The following ADAM19 variants were observed in gnomAD, a reference collection of about 807,000 sequenced individuals.
ADAM19 encodes ADAM metallopeptidase domain 19, also known as disintegrin and metalloproteinase domain-containing protein 19.
A neutral mutation model predicts 114.7 loss-of-function variants in ADAM19; 65 were observed. The observed-to-expected ratio is 0.57, with a 90% confidence interval of 0.46 to 0.70. The LOEUF (loss-of-function observed/expected upper bound fraction) is 0.70. Among genes scored for constraint, ADAM19 ranks in the 30% least tolerant of loss-of-function variants. ADAM19 has a pLI of 0.00. For missense variants in ADAM19, 1,063 were observed against 1,204.7 expected (o/e 0.88, Z 1.74); for synonymous variants, 466 against 460.5 (o/e 1.01, Z -0.15).
chr5:157,507,146 G>A lies in ADAM19; in HGVS notation c.906-6C>T. The A allele has an allele frequency of 2.5e-6, 4 of 1,613,706 alleles. No homozygotes were observed. Among genetic ancestry groups the A allele is most frequent in the Non-Finnish European group, 3.4e-6 (4 of 1,179,706 alleles). Reference sequence around the variant, plus strand: ...TGCCGTGGAAGGACATGCCCCTGCAGGAGGCAAGGAGAGACGGTGACCGGG... The same window carrying A: ...TGCCGTGGAAGGACATGCCCCTGCAAGAGGCAAGGAGAGACGGTGACCGGG... On this transcript the variant is annotated splice_region_variant and splice_polypyrimidine_tract_variant and intron_variant, in intron 9 of 22. Coordinates refer to ENST00000257527, the MANE Select transcript of ADAM19 (RefSeq NM_033274.5).
intron 8 of ADAM19, 115 bp downstream of exon 8, chr5:157,513,319 G>A: frequency 9.8e-7 from 1 of 1,020,422 alleles, no homozygotes; most frequent in Non-Finnish European, 1.5e-6. Context: ...CTATGGCACT[G>A]CTCATTCCCT....
rs759518891 is a variant in ADAM19, at chr5:157,518,912, G to A, written c.601-24C>T. 2.7e-5 allele frequency: 44 copies of A among 1,605,576 alleles called. 1 individual carries two copies. Among genetic ancestry groups the A allele is most frequent in the East Asian group, 1.8e-4 (8 of 44,852 alleles). On this transcript the variant is annotated intron_variant, in intron 6 of 22. Coordinates refer to ENST00000257527, the MANE Select transcript of ADAM19 (RefSeq NM_033274.5). ...ATCTAAGAAAGAGAAACAGATCAGC[G>A]CTGTAGAAATAGTGGACTTGGCCTC... is the stretch of plus-strand genomic sequence containing the variant.
In ADAM19 at chr5:157,530,841, A is replaced by G; in HGVS notation, c.373T>C (p.Ser125Pro). The G allele has an allele frequency of 6.2e-7, 1 of 1,614,158 alleles. No homozygotes were observed. Among genetic ancestry groups the G allele is most frequent in the Non-Finnish European group, 8.5e-7 (1 of 1,180,024 alleles). ...CGGCAAGTGCTGAGCGTGACGCTGG[A>G]CAGTTCTGTCTCCCTCACCGTGCCG... Reference protein sequence around the residue: ...YHGTVRETELSSVTLSTCRGI... With the variant: ...YHGTVRETELPSVTLSTCRGI... The change falls in exon 5 of 23, where the codon TCC (serine) becomes CCC (proline). Residue 125 changes from serine to proline, a missense_variant. This residue lies in a region of ADAM19 where 615 missense variants were observed against 706.3 expected (regional missense o/e 0.87). Coordinates refer to ENST00000257527, the MANE Select transcript of ADAM19 (RefSeq NM_033274.5).
intron 3 of ADAM19, among the ~76,000 whole-genome samples, chr5:157,560,305 A>G (rs1757479162): frequency 6.6e-6 from 1 of 150,398 alleles, no homozygotes. Flanking sequence ...GGTAGTGCAG[A>G]AAGAGCCTTC....
At chr5:157,481,181 G>C in intron 22 of ADAM19, 179 bp from the exon 23 acceptor site, 1 of 766,204 alleles carries the variant, frequency 1.3e-6, no homozygotes, top group South Asian at 1.8e-5. Context: ...GCAGGAAGGG[G>C]TGTGGTAGGT....
At chr5:157,515,231 GCCT>G (rs931587036) in intron 7 of ADAM19, among the ~76,000 whole-genome samples, 4 of 152,320 alleles carry the variant, frequency 2.6e-5, no homozygotes, top group South Asian at 4.1e-4. Flanking sequence ...CATTATAGAG[GCCT>G]CCTGTTTCTA....
chr5:157,535,723 T>A (rs544365377), intron 4 of ADAM19, among the ~76,000 whole-genome samples: 3 of 152,254 alleles, frequency 2.0e-5, no homozygotes, highest in Admixed American at 6.5e-5. Context: ...CAAGGATCAG[T>A]CATGAAGTCA....
In ADAM19 at chr5:157,479,304, G is replaced by A; in HGVS notation, c.*1645C>T. On this transcript the variant is annotated 3_prime_UTR_variant, in exon 23 of 23. Transcript: ENST00000257527. Reference sequence around the variant, plus strand: ...ATCCAAGAAGCACCTATTGTGTGCAGAGAACTATAAGGAGGCCCTGGGGTG... The same window carrying A: ...ATCCAAGAAGCACCTATTGTGTGCAAAGAACTATAAGGAGGCCCTGGGGTG... 1 of 985,964 alleles carries A rather than the reference G, an allele frequency of 1.0e-6. No homozygotes were observed. The highest frequency in any genetic ancestry group is 1.2e-6 in the Non-Finnish European group (1 of 830,024). The allele number at this position is 985,964 out of a possible 1,614,324, so 61.1% of individuals were successfully genotyped here.
chr5:157,571,489 A>G (rs1561562307), intron 1 of ADAM19, among the ~76,000 whole-genome samples: 1 of 152,196 alleles, frequency 6.6e-6, no homozygotes, highest in Non-Finnish European at 1.5e-5. Context: ...GGAAGTTGGT[A>G]TGAGATGTGG....
chr5:157,545,818 A>G (rs893133531), intron 3 of ADAM19, among the ~76,000 whole-genome samples: 1 of 152,254 alleles, frequency 6.6e-6, no homozygotes, highest in Non-Finnish European at 1.5e-5. Context: ...AAGGCTCTTC[A>G]TGCAATCTCA....
intron 12 of ADAM19, 108 bp downstream of exon 12, chr5:157,502,695 T>C (rs1429283018): frequency 7.9e-7 from 1 of 1,259,886 alleles, no homozygotes; most frequent in Non-Finnish European, 1.1e-6. Flanking sequence ...CAGTTATATG[T>C]AGGAAACACC....
At chr5:157,504,770 C>T (rs566885805) in intron 11 of ADAM19, among the ~76,000 whole-genome samples, 180 of 152,182 alleles carry the variant, frequency 1.2e-3, no homozygotes, top group Non-Finnish European at 1.6e-3. Context: ...AGTTCAGATG[C>T]TAGAAGACAA....
chr5:157,528,982 C>T (rs779122683), intron 5 of ADAM19, among the ~76,000 whole-genome samples: 3 of 152,172 alleles, frequency 2.0e-5, no homozygotes, highest in Non-Finnish European at 4.4e-5. Context: ...AGAGGAAGAA[C>T]ACACAATGGA....
At chr5:157,488,912 C>A (rs893266274) in intron 20 of ADAM19, among the ~76,000 whole-genome samples, 190 bp downstream of exon 20, 4 of 152,306 alleles carry the variant, frequency 2.6e-5, no homozygotes, top group African/African-American at 4.8e-5. Flanking sequence ...CACCTGTAGT[C>A]CCAGCTAATT....
At chr5:157,524,886 T>C (rs1756410976) in intron 5 of ADAM19, among the ~76,000 whole-genome samples, 1 of 152,238 alleles carries the variant, frequency 6.6e-6, no homozygotes, top group African/African-American at 2.4e-5. Context: ...TCATTGATTG[T>C]GTATTATACA....
chr5:157,559,994 G>A (rs1389110763), intron 3 of ADAM19, among the ~76,000 whole-genome samples: 3 of 152,034 alleles, frequency 2.0e-5, no homozygotes, highest in Admixed American at 1.3e-4. Context: ...GGCCGGGCGC[G>A]GTGGCTCACG....
intron 15 of ADAM19, among the ~76,000 whole-genome samples, chr5:157,493,752 C>T (rs1755255020): frequency 6.6e-6 from 1 of 152,180 alleles, no homozygotes; most frequent in Non-Finnish European, 1.5e-5. Context: ...GCATTTGAGG[C>T]TTTTCATGAT....
chr5:157,519,022 G>A (rs1021393384), intron 6 of ADAM19, 134 bp from the exon 7 acceptor site: 1 of 737,602 alleles, frequency 1.4e-6, no homozygotes, highest in South Asian at 1.6e-5. Context: ...CACTAGAGAT[G>A]TTCTTGGCTG....
At chr5:157,545,482 T>G (rs1757023752) in intron 3 of ADAM19, among the ~76,000 whole-genome samples, 1 of 152,208 alleles carries the variant, frequency 6.6e-6, no homozygotes, top group African/African-American at 2.4e-5. Context: ...GATCTCAACC[T>G]TTCCAAACCT....
Sources: allele counts gnomAD v4.1 joint callset (sites outside exome capture counted in the v4.1 genomes callset), GRCh38; gene constraint gnomAD v4.1.1; regional missense constraint gnomAD v4.1.1; transcripts MANE v1.5; gene names NCBI Gene and HGNC (gene_info 2026-07-23, HGNC 2026-07-21).